Variants in ARHGEF6 observed in about 807,000 individuals in gnomAD.
The protein encoded by ARHGEF6 is rho guanine nucleotide exchange factor 6.
In ARHGEF6, 9 loss-of-function variants were observed where a neutral mutation model predicts 70.3. The observed-to-expected ratio is 0.13, with a 90% CI of 0.08 to 0.22. The LOEUF (loss-of-function observed/expected upper bound fraction) is 0.22, where lower values mean the gene tolerates loss of function less well. Ranked by LOEUF, ARHGEF6 falls within the 10% of genes least tolerant of loss-of-function variation. ARHGEF6 has a pLI of 1.00. For missense variants in ARHGEF6, 470 were observed against 563.0 expected (o/e 0.83, Z 1.67); for synonymous variants, 201 against 207.8 (o/e 0.97, Z 0.28).
intron 16 of ARHGEF6, among the ~76,000 whole-genome samples, chrX:136,678,717 T>C (rs949631839): frequency 8.9e-6 from 1 of 111,832 alleles, no homozygotes; most frequent in Non-Finnish European, 1.9e-5. Flanking sequence ...TATAGAAATA[T>C]AAGCCACCTT....
At chrX:136,676,962 C>T (rs1041692577) in intron 17 of ARHGEF6, among the ~76,000 whole-genome samples, 5 of 112,442 alleles carry the variant, frequency 4.4e-5, no homozygotes, top group Admixed American at 2.8e-4. Flanking sequence ...AGTGTGCCTA[C>T]TGAAGATGTG....
intron 2 of ARHGEF6, among the ~76,000 whole-genome samples, chrX:136,750,692 A>G (rs1780842782): frequency 1.8e-5 from 2 of 112,361 alleles, no homozygotes; most frequent in East Asian, 2.8e-4. Flanking sequence ...AACAATAAAA[A>G]CATTTACTCT....
At chrX:136,716,496 A>T (rs2076738509) in intron 6 of ARHGEF6, among the ~76,000 whole-genome samples, 1 of 111,518 alleles carries the variant, frequency 9.0e-6, no homozygotes, top group Admixed American at 9.5e-5. Flanking sequence ...ACACCTTACC[A>T]CCACATTACT....
chrX:136,683,142 A>T (rs1164571360), intron 12 of ARHGEF6, among the ~76,000 whole-genome samples: 1 of 111,828 alleles, frequency 8.9e-6, no homozygotes, highest in Admixed American at 9.5e-5. Context: ...TTATGCAGCC[A>T]GTGAGATGTG....
intron 6 of ARHGEF6, among the ~76,000 whole-genome samples, chrX:136,715,923 T>C (rs1376341439): frequency 8.9e-6 from 1 of 112,287 alleles, no homozygotes; most frequent in Non-Finnish European, 1.9e-5. Flanking sequence ...TGTTTGTTTG[T>C]TTGCTTTGTT....
intron 2 of ARHGEF6, chrX:136,773,894 GCCC>G (rs1348037488): frequency 9.0e-6 from 1 of 111,538 alleles, no homozygotes; most frequent in Non-Finnish European, 1.9e-5. Context: ...TTCATATAAT[GCCC>G]AGGTCAGCAT....
intron 5 of ARHGEF6, among the ~76,000 whole-genome samples, chrX:136,742,237 T>C (rs1403965758): frequency 9.0e-6 from 1 of 111,490 alleles, no homozygotes. Flanking sequence ...GAGAATGGCG[T>C]GAACCCGGGA....
At chrX:136,779,908 C>G (rs774936136) in intron 1 of ARHGEF6, among the ~76,000 whole-genome samples, 1 of 112,065 alleles carries the variant, frequency 8.9e-6, no homozygotes, top group Admixed American at 9.5e-5. Flanking sequence ...CACTTCTTTA[C>G]ATTTTATCAC....
At chrX:136,765,575 C>G (rs1358408807) in intron 2 of ARHGEF6, among the ~76,000 whole-genome samples, 1 of 112,516 alleles carries the variant, frequency 8.9e-6, no homozygotes, top group African/African-American at 3.2e-5. Flanking sequence ...AAAGACAAGG[C>G]TGAGATGTGA....
At chrX:136,765,345 G>C (rs1054201102) in intron 2 of ARHGEF6, among the ~76,000 whole-genome samples, 1 of 112,262 alleles carries the variant, frequency 8.9e-6, no homozygotes, top group African/African-American at 3.2e-5. Context: ...TCCTGAATGA[G>C]TTTCTTTGTA....
At chrX:136,746,350 C>T (rs913964123) in intron 3 of ARHGEF6, among the ~76,000 whole-genome samples, 4 of 112,094 alleles carry the variant, frequency 3.6e-5, no homozygotes, top group Non-Finnish European at 5.6e-5. Flanking sequence ...ATACGCCTTG[C>T]AATAGCTCAA....
At chrX:136,710,282 G>A (rs888377202) in intron 7 of ARHGEF6, among the ~76,000 whole-genome samples, 32 of 102,627 alleles carry the variant, frequency 3.1e-4, no homozygotes, top group Non-Finnish European at 5.7e-4. Flanking sequence ...CCAGCCTGGG[G>A]GTGGAGTGTA....
intron 2 of ARHGEF6, among the ~76,000 whole-genome samples, chrX:136,773,756 G>A (rs765394047): frequency 8.9e-6 from 1 of 111,886 alleles, no homozygotes; most frequent in East Asian, 2.8e-4. Flanking sequence ...AAGGAGCATA[G>A]AGAGGTCAAG....
chrX:136,685,540 G>C (rs1327427631), intron 12 of ARHGEF6, 137 bp downstream of exon 12: 1 of 660,647 alleles, frequency 1.5e-6, no homozygotes, highest in Non-Finnish European at 2.3e-6. Flanking sequence ...CCAGGAGGCA[G>C]AGGTTGCAGT....
chrX:136,737,228 C>T (rs897734688), intron 5 of ARHGEF6, among the ~76,000 whole-genome samples: 6 of 111,797 alleles, frequency 5.4e-5, no homozygotes, highest in Non-Finnish European at 7.5e-5. Context: ...GCCTGTAATC[C>T]CAGCACTTTT....
intron 15 of ARHGEF6, among the ~76,000 whole-genome samples, chrX:136,680,191 A>G (rs945519526): frequency 1.8e-5 from 2 of 112,737 alleles, no homozygotes; most frequent in African/African-American, 3.2e-5. Flanking sequence ...ACAACACAGC[A>G]TATCTTCCAT....
At chrX:136,669,439 G>A (rs1223906668) in intron 21 of ARHGEF6, 43 bp downstream of exon 21, 15 of 1,149,252 alleles carry the variant, frequency 1.3e-5, no homozygotes, top group Non-Finnish European at 1.7e-5. Context: ...AAGAAAAAGA[G>A]AATGGTTCTA....
intron 6 of ARHGEF6, among the ~76,000 whole-genome samples, chrX:136,716,238 G>A (rs1162075002): frequency 2.7e-5 from 3 of 112,780 alleles, no homozygotes; most frequent in Non-Finnish European, 5.6e-5. Context: ...ACTGCGCCCG[G>A]CCTGAGCATA....
At chrX:136,701,175 AAAGAG>A (rs1047600461) in intron 9 of ARHGEF6, among the ~76,000 whole-genome samples, 2 of 111,902 alleles carry the variant, frequency 1.8e-5, no homozygotes, top group Non-Finnish European at 3.8e-5. Flanking sequence ...GACAGAAAAG[AAAGAG>A]AAAAGAGAAG....
Sources: gnomAD v4.1 joint callset for allele counts (sites outside exome capture counted in the v4.1 genomes callset) on GRCh38, gnomAD v4.1.1 for gene constraint, MANE v1.5 for transcripts, NCBI Gene and HGNC (gene_info 2026-07-23, HGNC 2026-07-21) for gene names.